DNASE1L3: variants seen among roughly 807,000 people sequenced by gnomAD.
The protein encoded by DNASE1L3 is deoxyribonuclease gamma.
In DNASE1L3, 27 loss-of-function variants were observed where a neutral mutation model predicts 30.9. The observed-to-expected ratio is 0.87, with a 90% CI of 0.64 to 1.20. The LOEUF is 1.20. DNASE1L3 is among the 50% of genes most tolerant of loss of function. The pLI, the probability that DNASE1L3 is intolerant of heterozygous loss-of-function variation, is 0.00. For missense variants in DNASE1L3, 364 were observed against 378.2 expected, an observed-to-expected ratio of 0.96 and a Z score of 0.31; for synonymous variants, 135 against 138.0, an observed-to-expected ratio of 0.98 and a Z score of 0.15.
chr3:58,201,134 G>T (rs1173078092), intron 4 of DNASE1L3, 25 bp from the exon 5 acceptor site: 1 of 1,578,896 alleles, frequency 6.3e-7, no homozygotes, highest in Non-Finnish European at 8.7e-7. Context: ...AGAGGCGGGG[G>T]TCACACACTT....
chr3:58,205,031 T>A, intron 3 of DNASE1L3, 150 bp from the exon 4 acceptor site: 1 of 687,914 alleles, frequency 1.5e-6, no homozygotes, highest in South Asian at 1.9e-5. Flanking sequence ...CTAAGTCAAC[T>A]CTTCTCAACA....
intron 7 of DNASE1L3, chr3:58,193,038 T>C: frequency 7.0e-7 from 1 of 1,427,182 alleles, no homozygotes; most frequent in East Asian, 2.5e-5. Context: ...CAATGTTGTG[T>C]CTTCAGTGGT....
intron 4 of DNASE1L3, among the ~76,000 whole-genome samples, chr3:58,202,275 A>G (rs1406585798): frequency 1.4e-5 from 2 of 144,922 alleles, no homozygotes; most frequent in Middle Eastern, 3.5e-3. Flanking sequence ...CCTCCCAAGT[A>G]ACTGGGATTA....
At position 58,200,649 on chromosome 3, in the gene DNASE1L3, G is replaced by A. The variant is rs1034528620; in HGVS notation, c.546+348C>T. Among the ~76,000 whole-genome samples the A allele has an allele frequency of 6.6e-6, 1 of 152,144 alleles. No individual in the cohort carries two copies. The highest frequency in any genetic ancestry group is 1.5e-5 in the Non-Finnish European group (1 of 68,026). ...CTTACACTTCTCAATTGCAAAGTGG[G>A]AATGAGAAAGGTACTGTAGCTACCT... On this transcript the variant is annotated intron_variant, in intron 5 of 7. Transcript: ENST00000394549. This position sits in a 1 kb window ranked among gnomAD's most constrained non-coding sequence, Gnocchi z 4.2.
At chr3:58,195,935 A>G (rs1298880546) in intron 6 of DNASE1L3, among the ~76,000 whole-genome samples, 1 of 152,246 alleles carries the variant, frequency 6.6e-6, no homozygotes, top group Non-Finnish European at 1.5e-5. Context: ...GGATCCTTTT[A>G]GTAAACATCT....
rs1202447024 is a variant in DNASE1L3 at position 58,205,636 on chromosome 3, C to G, written c.231-76G>C. On this transcript the variant is annotated intron_variant, in intron 2 of 7. Coordinates refer to ENST00000394549, the MANE Select transcript of DNASE1L3 (RefSeq NM_004944.4). ...CTGTACATGTTCCTTTCTTTCCAAT[C>G]TGCCTCCATACGCCCAATGGCATCA... is the stretch of plus-strand genomic sequence containing the variant. 3.1e-6 allele frequency: 4 copies of G among 1,295,020 alleles called. No individual in the cohort carries two copies. In the African/African-American group the frequency reaches 5.8e-5, roughly 19 times the overall value. 80.2% of individuals were successfully genotyped at this position (1,295,020 alleles called of 1,614,324 possible). A position where few individuals can be genotyped will look rare whatever the true frequency, so the allele number is the denominator to read the frequency against.
At chr3:58,195,840 A>G (rs2097397010) in intron 6 of DNASE1L3, among the ~76,000 whole-genome samples, 1 of 152,158 alleles carries the variant, frequency 6.6e-6, no homozygotes, top group African/African-American at 2.4e-5. Flanking sequence ...TGAGAAACAA[A>G]ATTCAGAGCA....
At chr3:58,204,378 T>G (rs1008828989) in intron 4 of DNASE1L3, among the ~76,000 whole-genome samples, 1 of 152,028 alleles carries the variant, frequency 6.6e-6, no homozygotes, top group Non-Finnish European at 1.5e-5. Context: ...TGACCTCAGG[T>G]GATCCACCTG....
rs9812068 is a variant in DNASE1L3 at position 58,200,896 on chromosome 3, A to G, written c.546+101T>C. On this transcript the variant is annotated intron_variant, in intron 5 of 7. Coordinates refer to ENST00000394549, the MANE Select transcript of DNASE1L3 (RefSeq NM_004944.4). The surrounding 1 kb of genome is among the most constrained non-coding windows in gnomAD (Gnocchi z 4.2). ...TGCTGTAAGTGGTGGTAGCCTGCAC[A>G]TGCCCTTCCTCCTCCCCCTCCCTGG... 6.3e-3 allele frequency: 5,490 copies of G among 868,112 alleles called. 177 individuals carry two copies. In the African/African-American group the frequency reaches 0.076, roughly 12 times the overall value. The allele number at this position is 868,112 out of a possible 1,614,324, so 53.8% of individuals were successfully genotyped here.
chr3:58,209,569 C>G (rs1344984498), intron 1 of DNASE1L3, among the ~76,000 whole-genome samples: 3 of 152,180 alleles, frequency 2.0e-5, no homozygotes, highest in African/African-American at 7.2e-5. Flanking sequence ...GAGGCTCGTC[C>G]AAGGAAGAAC....
At chr3:58,201,840 C>G (rs2097400742) in intron 4 of DNASE1L3, among the ~76,000 whole-genome samples, 2 of 152,304 alleles carry the variant, frequency 1.3e-5, no homozygotes. Flanking sequence ...CGCCATTGTT[C>G]CATCTGCAAG....
intron 5 of DNASE1L3, among the ~76,000 whole-genome samples, chr3:58,199,891 C>G (rs1438239422): frequency 3.3e-5 from 5 of 152,078 alleles, no homozygotes; most frequent in Non-Finnish European, 5.9e-5. Flanking sequence ...TTTTCCATGC[C>G]CCAGCTCTGA....
rs764072587 is a variant in DNASE1L3, at chr3:58,197,783, A to C, written c.704+38T>G. On this transcript the variant is annotated intron_variant, in intron 6 of 7. Coordinates refer to ENST00000394549, the MANE Select transcript of DNASE1L3 (RefSeq NM_004944.4). The surrounding 1 kb of genome is among the most constrained non-coding windows in gnomAD (Gnocchi z 5.3). ...GCGTCTTTCCTAGTGCACACCAAGC[A>C]CTGTGGTGAGCCAGCAGCACCCTGC... 3 of 1,612,432 alleles carry C rather than the reference A, an allele frequency of 1.9e-6. No individual in the cohort carries two copies. The South Asian group carries it at 3.3e-5, about 18-fold the overall frequency.
chr3:58,209,662 G>A (rs978113228), intron 1 of DNASE1L3, among the ~76,000 whole-genome samples: 2 of 152,206 alleles, frequency 1.3e-5, no homozygotes, highest in Non-Finnish European at 2.9e-5. Context: ...CCACCTTGCT[G>A]CAGGCTCTGC....
Position 58,210,894 on chromosome 3 carries a change from G to C in DNASE1L3, c.13C>G (p.Leu5Val). MSRE[L>V]APLLLLLLSI... ...AGGAGGAGAAGCAGCAGTGGGGCCA[G>C]CTCCCGTGACATCCTGGCGCTGCTC... is the stretch of plus-strand genomic sequence containing the variant. Residue 5 changes from leucine (L) to valine (V), a missense_variant, in exon 1 of 8, where the codon CTG becomes GTG. By Grantham distance (32) the Leu-to-Val change is conservative (BLOSUM62 1). Transcript: ENST00000394549. 1 of 1,613,908 alleles carries C rather than the reference G, an allele frequency of 6.2e-7. No individual in the cohort carries two copies. Among genetic ancestry groups the C allele is most frequent in the Non-Finnish European group, 8.5e-7 (1 of 1,180,000 alleles).
chr3:58,208,296 C>T lies in DNASE1L3; in HGVS notation c.152G>A (p.Arg51His), dbSNP rs372315713. Residue 51 changes from arginine to histidine, a missense_variant, in exon 2 of 8, where the codon CGC becomes CAC. By Grantham distance (29) the Arg-to-His change is conservative (BLOSUM62 0). Transcript: ENST00000394549. Reference sequence around the variant, plus strand: ...TTCCATCACGAGTATGATGTCACAGCGTTTGATGACCTGCAAGAAAGAGAA... The same window carrying T: ...TTCCATCACGAGTATGATGTCACAGTGTTTGATGACCTGCAAGAAAGAGAA... The part of the protein sequence containing the change: ...AMDVIVKVIK[R>H]CDIILVMEIK... 4.8e-5 allele frequency: 77 copies of T among 1,614,032 alleles called. No homozygotes were observed. Among genetic ancestry groups the T allele is most frequent in the African/African-American group, 4.1e-4 (31 of 74,902 alleles).
rs1346555886 is a variant in DNASE1L3 at position 58,201,002 on chromosome 3, C to G, written c.541G>C (p.Ala181Pro). The G allele has an allele frequency of 6.2e-7, 1 of 1,611,578 alleles. No homozygotes were observed. The highest frequency in any genetic ancestry group is 1.1e-5 in the South Asian group (1 of 90,552). Residue 181 changes from alanine to proline, a missense_variant, in exon 5 of 8, where the codon GCG becomes CCG. By Grantham distance (27) the Ala-to-Pro change is conservative (BLOSUM62 -1). Coordinates refer to ENST00000394549, the MANE Select transcript of DNASE1L3 (RefSeq NM_004944.4). Reference sequence around the variant, plus strand: ...TCTGACACAGCAGTCCTCACCTCCGCCTTCCAGCGGTGTTTCACGTCCGTG... The same window carrying G: ...TCTGACACAGCAGTCCTCACCTCCGGCTTCCAGCGGTGTTTCACGTCCGTG... ...VYTDVKHRWK[A>P]ENFIFMGDFN...
rs1486951368 is a variant in DNASE1L3, at chr3:58,197,443, C to CTTATTT, written c.704+372_704+377dup. ...TCAGCTCTGCAAGCAGTGTGCTTTT[C>CTTATTT]TTATTTTTATTTTTATTTTTTATTT... On this transcript the variant is annotated intron_variant, in intron 6 of 7. Transcript: ENST00000394549. The surrounding 1 kb of genome is among the most constrained non-coding windows in gnomAD (Gnocchi z 5.3). Among the ~76,000 whole-genome samples the CTTATTT allele has an allele frequency of 3.9e-5, 6 of 152,006 alleles. No individual in the cohort carries two copies. Among genetic ancestry groups the CTTATTT allele is most frequent in the African/African-American group, 1.5e-4 (6 of 41,378 alleles).
intron 6 of DNASE1L3, among the ~76,000 whole-genome samples, chr3:58,196,551 TAAAAAA>T (rs60743972): frequency 1.6e-5 from 1 of 60,710 alleles, no homozygotes; most frequent in African/African-American, 6.3e-5. Flanking sequence ...AGACTCTGTC[TAAAAAA>T]AAAAAAAAAA....
Sources: allele counts gnomAD v4.1 joint callset (sites outside exome capture counted in the v4.1 genomes callset), GRCh38; gene constraint gnomAD v4.1.1; non-coding constraint Gnocchi (gnomAD v3.1); transcripts MANE v1.5; gene names NCBI Gene and HGNC (gene_info 2026-07-23, HGNC 2026-07-21).